Variants in DCLK1 observed in about 807,000 individuals in gnomAD.
DCLK1 encodes the protein doublecortin like kinase 1.
A neutral mutation model predicts 86.2 loss-of-function variants in DCLK1; 16 were observed. The observed-to-expected ratio is 0.19, with a 90% CI of 0.13 to 0.28. The LOEUF is 0.28. Among genes scored for constraint, DCLK1 ranks in the 10% least tolerant of loss-of-function variants. The probability of loss-of-function intolerance (pLI) is 1.00; values close to 1 mark genes in which losing one functional copy is unlikely to be tolerated. For missense variants in DCLK1, 590 were observed against 940.2 expected (o/e 0.63, Z 4.87); for synonymous variants, 369 against 370.5 (o/e 1.00, Z 0.05).
intron 4 of DCLK1, among the ~76,000 whole-genome samples, chr13:35,942,085 G>A (rs978100523): frequency 5.9e-5 from 9 of 151,916 alleles, no homozygotes; most frequent in African/African-American, 1.5e-4. Flanking sequence ...GAACCTTTTC[G>A]GATCCTCATT....
chr13:35,973,277 A>G (rs1879158677), intron 3 of DCLK1, among the ~76,000 whole-genome samples: 2 of 152,332 alleles, frequency 1.3e-5, no homozygotes, highest in East Asian at 1.9e-4. Flanking sequence ...GGGAGGAAAG[A>G]AAATACCACC....
At chr13:35,842,974 C>A (rs747698907) in intron 6 of DCLK1, among the ~76,000 whole-genome samples, 1 of 152,124 alleles carries the variant, frequency 6.6e-6, no homozygotes, top group Admixed American at 6.5e-5. Flanking sequence ...TTAAGTCCAA[C>A]GAAAGGATTT....
At chr13:36,033,089 A>T (rs1882351092) in intron 3 of DCLK1, among the ~76,000 whole-genome samples, 1 of 152,200 alleles carries the variant, frequency 6.6e-6, no homozygotes, top group South Asian at 2.1e-4. Context: ...AAGCAGGCAA[A>T]CAGTAGCTGG....
At chr13:35,848,955 T>C in intron 6 of DCLK1, 1 of 985,372 alleles carries the variant, frequency 1.0e-6, no homozygotes, top group Non-Finnish European at 1.2e-6. Flanking sequence ...TCTCTGGTCA[T>C]TTCTATTGGA....
intron 15 of DCLK1, among the ~76,000 whole-genome samples, chr13:35,796,761 A>G (rs1002884423): frequency 1.3e-5 from 2 of 152,208 alleles, no homozygotes; most frequent in Non-Finnish European, 2.9e-5. Flanking sequence ...GAGGATGCTC[A>G]CTAGCATGGC....
chr13:36,082,523 A>G (rs1033219087), intron 3 of DCLK1, among the ~76,000 whole-genome samples: 4 of 152,066 alleles, frequency 2.6e-5, no homozygotes, highest in Non-Finnish European at 5.9e-5. Flanking sequence ...TCAAGGGTGA[A>G]CTGTACTTGA....
At chr13:36,028,860 C>T (rs535119691) in intron 3 of DCLK1, among the ~76,000 whole-genome samples, 1 of 152,268 alleles carries the variant, frequency 6.6e-6, no homozygotes, top group Admixed American at 6.5e-5. Context: ...CCATCAGTGC[C>T]ATGACATTTT....
intron 3 of DCLK1, among the ~76,000 whole-genome samples, chr13:36,051,097 G>A (rs952804193): frequency 5.9e-5 from 9 of 152,046 alleles, no homozygotes; most frequent in African/African-American, 1.7e-4. Flanking sequence ...ATTTCCTTTC[G>A]TATTATTTAC....
intron 11 of DCLK1, among the ~76,000 whole-genome samples, chr13:35,815,688 A>T (rs996499247): frequency 1.3e-5 from 2 of 152,174 alleles, no homozygotes; most frequent in African/African-American, 4.8e-5. Flanking sequence ...TTTCTGAGGA[A>T]AATGGCTTAA....
At chr13:35,996,578 G>A (rs118185858) in intron 3 of DCLK1, among the ~76,000 whole-genome samples, 176 of 152,232 alleles carry the variant, frequency 1.2e-3, no homozygotes, top group Non-Finnish European at 2.2e-3. Flanking sequence ...CAAGCAGGAG[G>A]CCATTCTAGC....
chr13:35,960,094 G>A (rs1285694056), intron 3 of DCLK1, among the ~76,000 whole-genome samples: 6 of 152,058 alleles, frequency 3.9e-5, no homozygotes, highest in African/African-American at 1.4e-4. Flanking sequence ...ATCTATAACA[G>A]GAAATTTCAG....
chr13:35,996,393 G>A (rs1880480081), intron 3 of DCLK1, among the ~76,000 whole-genome samples: 1 of 152,126 alleles, frequency 6.6e-6, no homozygotes, highest in Non-Finnish European at 1.5e-5. Context: ...AACTTGGCTG[G>A]GCCACGGGGC....
intron 3 of DCLK1, among the ~76,000 whole-genome samples, chr13:36,071,352 A>T (rs1883968910): frequency 6.6e-6 from 1 of 152,180 alleles, no homozygotes; most frequent in Admixed American, 6.5e-5. Context: ...GGCACTTTCT[A>T]TGTGATTTTA....
chr13:35,813,891 C>CA (rs5802783), intron 11 of DCLK1, among the ~76,000 whole-genome samples: 119 of 148,380 alleles, frequency 8.0e-4, no homozygotes, highest in Middle Eastern at 3.4e-3. Flanking sequence ...TGAAATGCTG[C>CA]AAAAAAAAAA....
rs554132418 is a variant in DCLK1 at position 36,037,499 on chromosome 13, T to C, written c.723+74370A>G. Among the ~76,000 whole-genome samples the C allele has an allele frequency of 2.0e-5, 3 of 152,286 alleles. No homozygotes were observed. In the South Asian group the frequency reaches 6.2e-4, roughly 32 times the overall value. Reference sequence around the variant, plus strand: ...TGGTTTTTGTTTTGTTTTGTTTTGTTTTGAGATGGAGTCTCCCTCTGTTGC... The same window carrying C: ...TGGTTTTTGTTTTGTTTTGTTTTGTCTTGAGATGGAGTCTCCCTCTGTTGC... On this transcript the variant is annotated intron_variant, in intron 3 of 16. Transcript: ENST00000360631.
At chr13:36,007,895 G>C (rs1413667345) in intron 3 of DCLK1, among the ~76,000 whole-genome samples, 3 of 151,946 alleles carry the variant, frequency 2.0e-5, no homozygotes, top group Non-Finnish European at 4.4e-5. Context: ...GATGATCTTT[G>C]ACTTCTAAGA....
chr13:35,939,442 C>T (rs1034116551), intron 4 of DCLK1, among the ~76,000 whole-genome samples: 1 of 152,236 alleles, frequency 6.6e-6, no homozygotes, highest in African/African-American at 2.4e-5. Context: ...CAAAGTCTCG[C>T]TCTTTTGCCC....
At chr13:35,846,926 T>C in intron 6 of DCLK1, 1 of 985,330 alleles carries the variant, frequency 1.0e-6, no homozygotes, top group Non-Finnish European at 1.2e-6. Flanking sequence ...TTACAGGTTA[T>C]CTGGCTTTGT....
chr13:35,936,514 A>G (rs1319227026), intron 4 of DCLK1, among the ~76,000 whole-genome samples: 1 of 152,218 alleles, frequency 6.6e-6, no homozygotes, highest in Non-Finnish European at 1.5e-5. Flanking sequence ...TTTAAGAGAG[A>G]GCCTTGCTGT....
Sources: gnomAD v4.1 joint callset for allele counts (sites outside exome capture counted in the v4.1 genomes callset) on GRCh38, gnomAD v4.1.1 for gene constraint, MANE v1.5 for transcripts, NCBI Gene and HGNC (gene_info 2026-07-23, HGNC 2026-07-21) for gene names.